Variants in STXBP2 observed in about 807,000 individuals in gnomAD.
STXBP2 encodes the protein syntaxin binding protein 2.
In STXBP2, 47 loss-of-function variants were observed where a neutral mutation model predicts 72.2. The observed-to-expected ratio is 0.65, with a 90% CI of 0.51 to 0.83. The LOEUF (loss-of-function observed/expected upper bound fraction) is 0.83, where lower values mean the gene tolerates loss of function less well. STXBP2 is among the 40% of genes least tolerant of loss of function. STXBP2 has a pLI of 0.00. For synonymous variants in STXBP2, 367 were observed against 338.7 expected (o/e 1.08, Z -0.92); for missense variants, 702 against 807.6 (o/e 0.87, Z 1.58).
chr19:7,640,414 A>AT (rs2031801730), intron 4 of STXBP2: 1 of 607,896 alleles, frequency 1.6e-6, no homozygotes, highest in Admixed American at 2.2e-5. Context: ...GTGTGTATGT[A>AT]TGTGTGCGCG....
At chr19:7,641,663 C>A in intron 6 of STXBP2, 42 bp from the exon 7 acceptor site, 1 of 1,549,740 alleles carries the variant, frequency 6.5e-7, no homozygotes, top group South Asian at 1.2e-5. Flanking sequence ...AGGTGTGCAC[C>A]TGCAGCGGCA....
In STXBP2 at chr19:7,639,939, CATGTGTGTGCAT is replaced by C. The variant is rs780594753; in HGVS notation, c.246+133_246+144del. The C allele has an allele frequency of 1.7e-4, 74 of 424,428 alleles. No homozygotes were observed. The Middle Eastern group carries it at 1.9e-3, about 11-fold the overall frequency. 26.3% of individuals were successfully genotyped at this position (424,428 alleles called of 1,614,324 possible). On this transcript the variant is annotated intron_variant, in intron 4 of 18. Transcript: ENST00000221283. ...GCATGTGTCCATGTGTATGTGTGTG[CATGTGTGTGCAT>C]GTGTGTGTGCATCTGTGTATGCATG...
intron 13 of STXBP2, chr19:7,644,345 G>A (rs1467470745): frequency 1.9e-6 from 1 of 521,966 alleles, no homozygotes; most frequent in African/African-American, 1.9e-5. Context: ...CCTGGGTGAG[G>A]GGTGGAGCCT....
In STXBP2 at chr19:7,640,229, T is replaced by C. The variant is rs778163365; in HGVS notation, c.246+422T>C. On this transcript the variant is annotated intron_variant, in intron 4 of 18. Coordinates refer to ENST00000221283, the MANE Select transcript of STXBP2 (RefSeq NM_006949.4). The stretch of plus-strand genomic sequence containing the variant: ...GTATGTATGTGTCTGCGTCTGTGTG[T>C]GCGTCTGTGTGTATCTGTGTGTGCA... 1,611 of 546,858 alleles carry C rather than the reference T, an allele frequency of 2.9e-3. 25 individuals carry two copies. The highest frequency in any genetic ancestry group is 0.027 in the African/African-American group (1,426 of 51,950). 33.9% of individuals were successfully genotyped at this position (546,858 alleles called of 1,614,324 possible).
At position 7,642,569 on chromosome 19, in the gene STXBP2, A is replaced by T; in HGVS notation, c.902+33A>T. On this transcript the variant is annotated intron_variant, in intron 10 of 18. Transcript: ENST00000221283. The surrounding 1 kb of genome is among the most constrained non-coding windows in gnomAD (Gnocchi z 6.0). ...CACACGGGGACCGGATCCCCCCCCC[A>T]CCGCCCACTGTGGGCCTGGTAGCGG... 1 of 1,597,316 alleles carries T rather than the reference A, an allele frequency of 6.3e-7. No individual in the cohort carries two copies.
At chr19:7,633,231 T>C (rs926281576), upstream of STXBP2, among the ~76,000 whole-genome samples, 9 of 152,184 alleles carry the variant, frequency 5.9e-5, no homozygotes, top group Non-Finnish European at 1.3e-4. Context: ...CCCTGCCCTC[T>C]GCCCTGGGGC....
chr19:7,640,012 CTG>C lies in STXBP2; in HGVS notation c.246+210_246+211del, dbSNP rs377381360. 7.6e-4 allele frequency: 508 copies of C among 666,234 alleles called. 4 individuals carry two copies. Among genetic ancestry groups the C allele is most frequent in the Middle Eastern group, 2.0e-3 (5 of 2,480 alleles). 41.3% of individuals were successfully genotyped at this position (666,234 alleles called of 1,614,324 possible). On this transcript the variant is annotated intron_variant, in intron 4 of 18. Coordinates refer to ENST00000221283, the MANE Select transcript of STXBP2 (RefSeq NM_006949.4). ...TTTGCATGTGTGTCTATGTATGTGT[CTG>C]TGTGCATGTGCATGTGTGTGCGTCT...
chr19:7,637,541 G>A (rs1346216759), intron 1 of STXBP2, among the ~76,000 whole-genome samples: 2 of 152,066 alleles, frequency 1.3e-5, no homozygotes, highest in Admixed American at 1.3e-4. Flanking sequence ...CAAAGTTCAG[G>A]GGCTGGATTC....
Position 7,647,143 on chromosome 19 carries a change from C to T in STXBP2, c.1453-19C>T. 3 of 1,610,796 alleles carry T rather than the reference C, an allele frequency of 1.9e-6. No homozygotes were observed. The highest frequency in any genetic ancestry group is 1.1e-5 in the South Asian group (1 of 91,036). ...CCCATGCCTGGGGTTCCTCCCCTAACCTGCCTCTCGGCCGCCAGGACGCCG... is the reference window on the plus strand; with the variant it reads ...CCCATGCCTGGGGTTCCTCCCCTAATCTGCCTCTCGGCCGCCAGGACGCCG... On this transcript the variant is annotated intron_variant, in intron 16 of 18. Coordinates refer to ENST00000221283, the MANE Select transcript of STXBP2 (RefSeq NM_006949.4).
chr19:7,645,970 C>G (rs1463132450), intron 15 of STXBP2: 1 of 542,598 alleles, frequency 1.8e-6, no homozygotes, highest in Non-Finnish European at 3.3e-6. Context: ...TGCCTTCATA[C>G]TTTGTCTCAC....
intron 3 of STXBP2, 53 bp from the exon 4 acceptor site, chr19:7,639,678 C>T (rs1568463773): frequency 6.4e-7 from 1 of 1,568,080 alleles, no homozygotes; most frequent in Non-Finnish European, 8.7e-7. Flanking sequence ...AGACTCCCCA[C>T]GTGGCCCTGC....
chr19:7,633,147 G>A (rs961483144), upstream of STXBP2: 21 of 370,236 alleles, frequency 5.7e-5, no homozygotes, highest in Admixed American at 7.1e-4. Context: ...GCTGGGACAC[G>A]AATCAGGGAA....
chr19:7,646,050 G>C lies in STXBP2; in HGVS notation c.1357-199G>C. On this transcript the variant is annotated intron_variant, in intron 15 of 18. Transcript: ENST00000221283. Reference sequence around the variant, plus strand: ...CTCTGGCTCGCTCTCTCTCCCTTTGGCTTTCTCTCTCCGTCTCTCTCTGGC... The same window carrying C: ...CTCTGGCTCGCTCTCTCTCCCTTTGCCTTTCTCTCTCCGTCTCTCTCTGGC... The C allele has an allele frequency of 5.0e-6, 3 of 600,784 alleles. No individual in the cohort carries two copies. In the South Asian group the frequency reaches 5.9e-5, roughly 12 times the overall value. The allele number at this position is 600,784 out of a possible 1,614,324, so 37.2% of individuals were successfully genotyped here. A position where few individuals can be genotyped will look rare whatever the true frequency, so the allele number is the denominator to read the frequency against.
chr19:7,640,062 GTGTA>G (rs2031749364), intron 4 of STXBP2: 2 of 639,918 alleles, frequency 3.1e-6, no homozygotes. Flanking sequence ...GTGTGTATGT[GTGTA>G]TGCGTGTGTG....
In STXBP2 at chr19:7,647,254, C is replaced by G. The variant is rs757077794; in HGVS notation, c.1538+7C>G. On this transcript the variant is annotated splice_region_variant and intron_variant, in intron 17 of 18. Transcript: ENST00000221283. ...GCTCCCAGGCCGCTGTCAGGTGAGG[C>G]CCCGGGGCCGCCCCCGCCCACGCCT... 2 of 1,610,448 alleles carry G rather than the reference C, an allele frequency of 1.2e-6. No homozygotes were observed. The highest frequency in any genetic ancestry group is 2.7e-5 in the African/African-American group (2 of 74,890).
chr19:7,640,188 A>ATG, intron 4 of STXBP2: 1 of 513,634 alleles, frequency 1.9e-6, no homozygotes, highest in Non-Finnish European at 3.7e-6. Flanking sequence ...GTCTGTGTGC[A>ATG]TGTGTGTATG....
Position 7,642,562 on chromosome 19 carries a change from C to CG in STXBP2, c.902+26_902+27insG. 1 of 1,610,802 alleles carries CG rather than the reference C, an allele frequency of 6.2e-7. No individual in the cohort carries two copies. Among genetic ancestry groups the CG allele is most frequent in the Admixed American group, 1.7e-5 (1 of 60,030 alleles). On this transcript the variant is annotated intron_variant, in intron 10 of 18. Transcript: ENST00000221283. The surrounding 1 kb of genome is among the most constrained non-coding windows in gnomAD (Gnocchi z 6.0). ...GTGCGTGCACACGGGGACCGGATCC[C>CG]CCCCCCACCGCCCACTGTGGGCCTG...
At position 7,645,311 on chromosome 19, in the gene STXBP2, G is replaced by T. The variant is rs748635794; in HGVS notation, c.1356+5G>T. On this transcript the variant is annotated splice_donor_5th_base_variant and intron_variant, in intron 15 of 18. Transcript: ENST00000221283. ...GGCACTGTCACCAACCCCGGGGTAC[G>T]CCAGGAGCGGGCATGGGGGGACCCT... The T allele has an allele frequency of 6.3e-7, 1 of 1,575,558 alleles. No individual in the cohort carries two copies. The highest frequency in any genetic ancestry group is 8.6e-7 in the Non-Finnish European group (1 of 1,159,452).
chr19:7,638,777 T>C lies in STXBP2; in HGVS notation c.87+2T>C. The C allele has an allele frequency of 1.2e-6, 2 of 1,613,914 alleles. No homozygotes were observed. The highest frequency in any genetic ancestry group is 1.7e-6 in the Non-Finnish European group (2 of 1,179,958). On this transcript the variant is annotated splice_donor_variant, in intron 2 of 18. Coordinates refer to ENST00000221283, the MANE Select transcript of STXBP2 (RefSeq NM_006949.4). LOFTEE classifies it high-confidence loss of function. ...GTCAAGAAGGATGGGGAGTGGAAGGTAGGGGTGAGGCAGATGGCTGGGTAC... is the reference window on the plus strand; with the variant it reads ...GTCAAGAAGGATGGGGAGTGGAAGGCAGGGGTGAGGCAGATGGCTGGGTAC...
Sources: allele counts gnomAD v4.1 joint callset (sites outside exome capture counted in the v4.1 genomes callset), GRCh38; gene constraint gnomAD v4.1.1; non-coding constraint Gnocchi (gnomAD v3.1); transcripts MANE v1.5; gene names NCBI Gene and HGNC (gene_info 2026-07-23, HGNC 2026-07-21).